ATP9A: variants seen among roughly 807,000 people sequenced by gnomAD.
ATP9A encodes the protein ATPase phospholipid transporting 9A.
ATP9A carries 52 observed loss-of-function variants against 144.1 expected under a neutral mutation model. The ratio of observed to expected loss-of-function variants is 0.36; its 90% CI spans 0.29 to 0.45. ATP9A has a LOEUF of 0.45. ATP9A is among the 20% of genes least tolerant of loss of function. The pLI is 1.00. For missense variants in ATP9A, 947 were observed against 1,392.7 expected, an observed-to-expected ratio of 0.68 and a Z score of 5.09; for synonymous variants, 582 against 557.4, an observed-to-expected ratio of 1.04 and a Z score of -0.62.
At chr20:51,618,029 G>T (rs2077210499) in intron 21 of ATP9A, among the ~76,000 whole-genome samples, 1 of 152,078 alleles carries the variant, frequency 6.6e-6, no homozygotes, top group African/African-American at 2.4e-5. Context: ...AGACCAGCCT[G>T]GCCAACATGG....
In ATP9A at chr20:51,604,797, T is replaced by G. The variant is rs750312255; in HGVS notation, c.3007+20A>C. The G allele has an allele frequency of 1.2e-5, 17 of 1,469,280 alleles. No individual in the cohort carries two copies. Among genetic ancestry groups the G allele is most frequent in the African/African-American group, 1.4e-5 (1 of 69,468 alleles). The allele number at this position is 1,469,280 out of a possible 1,614,324, so 91.0% of individuals were successfully genotyped here. On this transcript the variant is annotated intron_variant, in intron 27 of 27. Coordinates refer to ENST00000338821, the MANE Select transcript of ATP9A (RefSeq NM_006045.3). ...TTCACTGGGGGTGACGGACGGGGTT[T>G]AAGCATTCAGGGGTCTTACCGATGA...
intron 19 of ATP9A, among the ~76,000 whole-genome samples, chr20:51,619,784 G>A (rs369962822): frequency 2.0e-5 from 3 of 146,792 alleles, no homozygotes; most frequent in Admixed American, 7.0e-5. Flanking sequence ...CAGGAGAATC[G>A]CTTGAACCTG....
intron 11 of ATP9A, among the ~76,000 whole-genome samples, chr20:51,671,613 T>C (rs773527812): frequency 3.3e-5 from 5 of 152,046 alleles, no homozygotes; most frequent in Admixed American, 6.6e-5. Context: ...TAACAGGAAA[T>C]TGACCATTCT....
intron 1 of ATP9A, among the ~76,000 whole-genome samples, chr20:51,755,050 G>A (rs1334415543): frequency 6.6e-6 from 1 of 151,630 alleles, no homozygotes; most frequent in Non-Finnish European, 1.5e-5. Context: ...CCCAGGAGCC[G>A]GAGGCTGCAG....
At chr20:51,663,806 A>AAC (rs1313397530) in intron 13 of ATP9A, among the ~76,000 whole-genome samples, 2 of 151,776 alleles carry the variant, frequency 1.3e-5, no homozygotes, top group Admixed American at 1.3e-4. Flanking sequence ...AAAAAAAAAA[A>AAC]AAAAAACAAG....
chr20:51,614,955 G>T (rs1297209993), intron 22 of ATP9A, among the ~76,000 whole-genome samples: 1 of 152,004 alleles, frequency 6.6e-6, no homozygotes, highest in Non-Finnish European at 1.5e-5. Flanking sequence ...AAGCTGTGAA[G>T]ACACTCAGAG....
intron 10 of ATP9A, among the ~76,000 whole-genome samples, 164 bp from the exon 11 acceptor site, chr20:51,674,477 G>C (rs1334265357): frequency 6.6e-6 from 1 of 152,162 alleles, no homozygotes; most frequent in Non-Finnish European, 1.5e-5. Context: ...AGGTAGGACA[G>C]TGGGATCCAT....
chr20:51,607,532 T>C lies in ATP9A; in HGVS notation c.2798A>G (p.Tyr933Cys), dbSNP rs533169778. The C allele has an allele frequency of 4.3e-6, 7 of 1,611,672 alleles. No individual in the cohort carries two copies. The African/African-American group carries it at 5.3e-5, about 12-fold the overall frequency. ...GTGTCTCCACTCATCCTTACCTTGA[T>C]AGATGCTAATCAAAACCCATATTAA... ...TFLIWVLISIYQGSTIMYGAL... is the reference protein window; with the variant it reads ...TFLIWVLISICQGSTIMYGAL... The change falls in exon 26 of 28, where the codon TAT becomes TGT. Residue 933 changes from tyrosine (Y) to cysteine (C), a missense_variant. Physicochemically the swap from Tyr to Cys is radical, Grantham distance 194 (BLOSUM62 -2). Transcript: ENST00000338821.
chr20:51,729,422 C>T (rs560567826), intron 2 of ATP9A, among the ~76,000 whole-genome samples: 3 of 150,446 alleles, frequency 2.0e-5, no homozygotes, highest in Non-Finnish European at 4.4e-5. Flanking sequence ...AGAAAAGTCA[C>T]TGACATCTGC....
At chr20:51,632,074 T>G (rs2077272216) in intron 15 of ATP9A, among the ~76,000 whole-genome samples, 2 of 152,180 alleles carry the variant, frequency 1.3e-5, no homozygotes, top group South Asian at 2.1e-4. Context: ...TTTTTTCTTT[T>G]TCTTTATTTT....
chr20:51,718,129 T>C (rs1359712176), intron 3 of ATP9A, among the ~76,000 whole-genome samples: 1 of 152,048 alleles, frequency 6.6e-6, no homozygotes, highest in African/African-American at 2.4e-5. Context: ...AGACTGCACA[T>C]CACGCTTGAG....
intron 14 of ATP9A, among the ~76,000 whole-genome samples, chr20:51,655,742 C>T (rs550312000): frequency 6.6e-6 from 1 of 152,124 alleles, no homozygotes; most frequent in South Asian, 2.1e-4. Flanking sequence ...AAAAGGTTAA[C>T]TATAGAGTCA....
intron 1 of ATP9A, among the ~76,000 whole-genome samples, chr20:51,744,589 T>C (rs2077799534): frequency 6.6e-6 from 1 of 152,234 alleles, no homozygotes; most frequent in Non-Finnish European, 1.5e-5. Flanking sequence ...CTGGCTGAAA[T>C]GCAAAAGCAA....
At chr20:51,615,249 TAAC>T (rs2077198800) in intron 22 of ATP9A, among the ~76,000 whole-genome samples, 1 of 152,206 alleles carries the variant, frequency 6.6e-6, no homozygotes, top group African/African-American at 2.4e-5. Flanking sequence ...TAGCAAATAG[TAAC>T]AATTGGCCAA....
intron 14 of ATP9A, among the ~76,000 whole-genome samples, chr20:51,642,467 T>C (rs2077323582): frequency 6.6e-6 from 1 of 152,086 alleles, no homozygotes; most frequent in South Asian, 2.1e-4. Flanking sequence ...CAGCATCTGT[T>C]TTAAAATGAA....
At chr20:51,741,355 C>G (rs990033965) in intron 1 of ATP9A, among the ~76,000 whole-genome samples, 1 of 152,044 alleles carries the variant, frequency 6.6e-6, no homozygotes, top group African/African-American at 2.4e-5. Context: ...CCGAGGCAGG[C>G]GGATCACGAG....
At chr20:51,763,097 G>A (rs1002459954) in intron 1 of ATP9A, among the ~76,000 whole-genome samples, 8 of 152,046 alleles carry the variant, frequency 5.3e-5, no homozygotes, top group South Asian at 4.1e-4. Flanking sequence ...AAGGCAACAC[G>A]TGGTGTGATT....
Position 51,604,900 on chromosome 20 carries a change from G to C in ATP9A, c.2924C>G (p.Thr975Ser). ...ELLMVALTIQ[T>S]WHWLMTVAEL... ...CGCCACTGTCATGAGCCAGTGCCAG[G>C]TCTGGATGGTCAGCGCCACCATGAG... The change falls in exon 27 of 28, where the codon ACC becomes AGC. Residue 975 changes from threonine (T) to serine (S), a missense_variant. This residue lies in a region of ATP9A where 177 missense variants were observed against 344.9 expected (regional missense o/e 0.51). Coordinates refer to ENST00000338821, the MANE Select transcript of ATP9A (RefSeq NM_006045.3). 1 of 1,611,142 alleles carries C rather than the reference G, an allele frequency of 6.2e-7. No individual in the cohort carries two copies. The highest frequency in any genetic ancestry group is 8.5e-7 in the Non-Finnish European group (1 of 1,178,534).
intron 15 of ATP9A, among the ~76,000 whole-genome samples, chr20:51,638,284 T>C (rs1233841551): frequency 8.6e-6 from 1 of 116,440 alleles, no homozygotes; most frequent in Admixed American, 9.9e-5. Flanking sequence ...AGGATTCTCA[T>C]TTGTCAAGGA....
Sources: allele counts gnomAD v4.1 joint callset (sites outside exome capture counted in the v4.1 genomes callset), GRCh38; gene constraint gnomAD v4.1.1; regional missense constraint gnomAD v4.1.1; transcripts MANE v1.5; gene names NCBI Gene and HGNC (gene_info 2026-07-23, HGNC 2026-07-21).